The following CLNK variants were observed in gnomAD, a reference collection of about 807,000 sequenced individuals.
CLNK encodes cytokine-dependent hematopoietic cell linker.
In CLNK, 74 loss-of-function variants were observed where a neutral mutation model predicts 68.6. That is an observed-to-expected ratio of 1.08 (90% CI 0.89 to 1.31). CLNK has a LOEUF of 1.31. Among genes scored for constraint, CLNK ranks in the 50% most tolerant of loss-of-function variants. The pLI, the probability that CLNK is intolerant of heterozygous loss-of-function variation, is 0.00. For synonymous variants in CLNK, 198 were observed against 172.2 expected (o/e 1.15, Z -1.17); for missense variants, 553 against 515.3 (o/e 1.07, Z -0.71).
the CLNK span, among the ~76,000 whole-genome samples, chr4:10,699,705 G>T: frequency 6.6e-6 from 1 of 150,714 alleles, no homozygotes; most frequent in Non-Finnish European, 1.5e-5. Context: ...GTAGAGATAG[G>T]GTTTCACCAT....
chr4:10,596,923 T>C (rs764022346), intron 3 of CLNK, among the ~76,000 whole-genome samples: 6 of 152,226 alleles, frequency 3.9e-5, no homozygotes, highest in Non-Finnish European at 8.8e-5. Flanking sequence ...TCCCATCTCT[T>C]GCTATTGTCA....
At chr4:10,670,594 C>G (rs1258274281) in intron 1 of CLNK, among the ~76,000 whole-genome samples, 1 of 152,228 alleles carries the variant, frequency 6.6e-6, no homozygotes, top group Non-Finnish European at 1.5e-5. Context: ...CTGCCATGCA[C>G]TGTGCAGCTT....
In CLNK at chr4:10,533,222, G is replaced by A. The variant is rs182760459; in HGVS notation, c.603-939C>T. 6.0e-4 allele frequency among the ~76,000 whole-genome samples: 92 copies of A among 152,316 alleles called. 1 individual carries two copies. The highest frequency in any genetic ancestry group is 1.7e-3 in the Admixed American group (26 of 15,294). ...TTGCTGTGAGCTGAGATCATCCACT[G>A]CACTCCAGCCTGGGTGACAGAGCGT... On this transcript the variant is annotated intron_variant, in intron 11 of 18. Transcript: ENST00000226951.
intron 1 of CLNK, among the ~76,000 whole-genome samples, chr4:10,680,687 T>C (rs1222458369): frequency 6.6e-6 from 1 of 152,208 alleles, no homozygotes; most frequent in African/African-American, 2.4e-5. Flanking sequence ...TTTTATGTAC[T>C]GAATCTCATT....
chr4:10,617,712 A>G (rs543025166), intron 2 of CLNK, among the ~76,000 whole-genome samples: 1 of 152,326 alleles, frequency 6.6e-6, no homozygotes, highest in African/African-American at 2.4e-5. Context: ...TTTTATTTGT[A>G]CCATATAGCC....
At chr4:10,606,442 T>A (rs1025624647) in intron 2 of CLNK, among the ~76,000 whole-genome samples, 2 of 152,082 alleles carry the variant, frequency 1.3e-5, no homozygotes, top group African/African-American at 2.4e-5. Context: ...TTTTTTTTTT[T>A]AATATAAGTA....
At chr4:10,588,648 T>G (rs1052779748) in intron 3 of CLNK, among the ~76,000 whole-genome samples, 2 of 152,216 alleles carry the variant, frequency 1.3e-5, no homozygotes, top group African/African-American at 4.8e-5. Context: ...ATGTTCCTAT[T>G]TACTTTTTTA....
At chr4:10,682,043 T>C (rs1422802839) in intron 1 of CLNK, among the ~76,000 whole-genome samples, 2 of 152,158 alleles carry the variant, frequency 1.3e-5, no homozygotes, top group Non-Finnish European at 2.9e-5. Context: ...TTCCCAAATA[T>C]TCTGCCCATA....
chr4:10,540,544 C>A lies in CLNK; in HGVS notation c.552G>T (p.Arg184Ser). 2 of 1,613,884 alleles carry A rather than the reference C, an allele frequency of 1.2e-6. No individual in the cohort carries two copies. The highest frequency in any genetic ancestry group is 1.3e-5 in the African/African-American group (1 of 75,016). ...AGGTGTGTCTCTGAGATAAAGGTGG[C>A]CTGCTGCTCTCCGGCTCAGGGGGCA... ...QPLPPEPESS[R>S]PPLSQRHTFP... Residue 184 changes from arginine (R) to serine (S), a missense_variant, in exon 11 of 19, where the codon AGG (arginine) becomes AGT (serine). Coordinates refer to ENST00000226951, the MANE Select transcript of CLNK (RefSeq NM_052964.4).
rs75004740 is a variant in CLNK at position 10,590,333 on chromosome 4, A to G, written c.84-5378T>C. ...TGCCCAGCAGAACTGGCTTTGATGA[A>G]GTAGACAGGGCATGCTTGCCTTCTA... On this transcript the variant is annotated intron_variant, in intron 3 of 18. Coordinates refer to ENST00000226951, the MANE Select transcript of CLNK (RefSeq NM_052964.4). 7.1e-3 allele frequency among the ~76,000 whole-genome samples: 1,079 copies of G among 152,302 alleles called. 14 individuals carry two copies. The highest frequency in any genetic ancestry group is 0.025 in the African/African-American group (1,019 of 41,550).
At chr4:10,586,195 G>A (rs139023342) in intron 3 of CLNK, among the ~76,000 whole-genome samples, 3 of 152,114 alleles carry the variant, frequency 2.0e-5, no homozygotes, top group East Asian at 1.9e-4. Flanking sequence ...GTACTGGTTC[G>A]TGGCCTGGGT....
intron 6 of CLNK, among the ~76,000 whole-genome samples, chr4:10,565,151 C>T (rs187391083): frequency 4.6e-5 from 7 of 152,220 alleles, no homozygotes; most frequent in East Asian, 1.9e-4. Flanking sequence ...TCACATTCAT[C>T]GGTTGAGCTG....
chr4:10,652,101 C>T (rs1030099181), intron 2 of CLNK, among the ~76,000 whole-genome samples: 3 of 151,978 alleles, frequency 2.0e-5, no homozygotes, highest in African/African-American at 7.2e-5. Flanking sequence ...ACATTTGAGG[C>T]CAGGTGCAGT....
intron 4 of CLNK, among the ~76,000 whole-genome samples, chr4:10,572,330 T>A (rs1720386032): frequency 6.6e-6 from 1 of 152,202 alleles, no homozygotes; most frequent in Admixed American, 6.5e-5. Context: ...GGACCAGGTG[T>A]TTGTTGAATG....
chr4:10,719,899 A>G, the CLNK span, among the ~76,000 whole-genome samples: 1 of 152,172 alleles, frequency 6.6e-6, no homozygotes, highest in Non-Finnish European at 1.5e-5. Flanking sequence ...TCAGTAACAA[A>G]GATACCAGAA....
intron 2 of CLNK, among the ~76,000 whole-genome samples, chr4:10,630,735 A>C (rs1390086999): frequency 2.0e-5 from 3 of 152,086 alleles, no homozygotes; most frequent in Non-Finnish European, 4.4e-5. Flanking sequence ...AAATTTGTAC[A>C]TTTCTTCAGC....
the CLNK span, among the ~76,000 whole-genome samples, chr4:10,704,838 C>T: frequency 4.4e-3 from 666 of 152,320 alleles, 3 homozygotes; most frequent in African/African-American, 0.015. Flanking sequence ...TGGTGAAATG[C>T]CTGGCACCCA....
intron 3 of CLNK, among the ~76,000 whole-genome samples, chr4:10,592,441 C>G (rs1388245913): frequency 6.6e-6 from 1 of 152,262 alleles, no homozygotes; most frequent in African/African-American, 2.4e-5. Context: ...TTCATCCACT[C>G]TCTGAGCCTC....
intron 17 of CLNK, among the ~76,000 whole-genome samples, chr4:10,504,384 T>C (rs941166375): frequency 6.6e-6 from 1 of 152,068 alleles, no homozygotes. Flanking sequence ...GCTCCCAAAG[T>C]GCTGGGATTA....
Sources: gnomAD v4.1 joint callset for allele counts (sites outside exome capture counted in the v4.1 genomes callset) on GRCh38, gnomAD v4.1.1 for gene constraint, MANE v1.5 for transcripts, NCBI Gene and HGNC (gene_info 2026-07-23, HGNC 2026-07-21) for gene names.